Variants in GRM7 observed in about 807,000 individuals in gnomAD.
The protein encoded by GRM7 is metabotropic glutamate receptor 7.
A neutral mutation model predicts 84.5 loss-of-function variants in GRM7; 35 were observed. That is an observed-to-expected ratio of 0.41 (90% CI 0.32 to 0.55). GRM7 has a LOEUF of 0.55. Ranked by LOEUF, GRM7 falls within the 20% of genes least tolerant of loss-of-function variation. The probability of loss-of-function intolerance (pLI) is 0.19; values close to 1 mark genes in which losing one functional copy is unlikely to be tolerated. For missense variants in GRM7, 1,003 were observed against 1,194.6 expected (o/e 0.84, Z 2.36); for synonymous variants, 487 against 455.1 (o/e 1.07, Z -0.89).
intron 9 of GRM7, among the ~76,000 whole-genome samples, chr3:7,720,809 T>A (rs1345608487): frequency 6.6e-6 from 1 of 152,122 alleles, no homozygotes. Flanking sequence ...GTTTGTTGAA[T>A]GAGAATTACC....
chr3:7,012,837 C>T (rs2124897587), intron 1 of GRM7, among the ~76,000 whole-genome samples: 1 of 152,288 alleles, frequency 6.6e-6, no homozygotes, highest in Non-Finnish European at 1.5e-5. Context: ...ACCATTTGGA[C>T]TCAAGTGGTC....
chr3:7,099,555 A>C (rs1250619627), intron 1 of GRM7, among the ~76,000 whole-genome samples: 1 of 147,246 alleles, frequency 6.8e-6, no homozygotes, highest in Admixed American at 6.9e-5. Context: ...ATATATGTAT[A>C]TGTACACGCA....
intron 7 of GRM7, among the ~76,000 whole-genome samples, chr3:7,567,346 G>A (rs1575501704): frequency 6.6e-6 from 1 of 152,254 alleles, no homozygotes; most frequent in East Asian, 1.9e-4. Flanking sequence ...CAAACTTGGG[G>A]CTTTCCACCC....
At chr3:7,368,471 G>T (rs1172340786) in intron 4 of GRM7, among the ~76,000 whole-genome samples, 1 of 152,044 alleles carries the variant, frequency 6.6e-6, no homozygotes, top group African/African-American at 2.4e-5. Context: ...GATGGTAATG[G>T]ATAATTTACT....
intron 2 of GRM7, among the ~76,000 whole-genome samples, chr3:7,266,782 C>T (rs1023856465): frequency 6.6e-6 from 1 of 152,192 alleles, no homozygotes; most frequent in African/African-American, 2.4e-5. Context: ...CCTAAACTTA[C>T]AAAATCACAT....
chr3:7,670,106 C>T (rs928616278), intron 8 of GRM7, among the ~76,000 whole-genome samples: 1 of 152,182 alleles, frequency 6.6e-6, no homozygotes, highest in African/African-American at 2.4e-5. Context: ...AGATGTGCTT[C>T]AGTGTGCCAG....
At chr3:7,726,641 A>C (rs867053649) in intron 9 of GRM7, among the ~76,000 whole-genome samples, 3,894 of 110,358 alleles carry the variant, frequency 0.035, 340 homozygotes, top group African/African-American at 0.066. Flanking sequence ...ATATATATAT[A>C]TATATATATA....
Position 7,151,475 on chromosome 3 carries a change from G to A in GRM7, c.736+4807G>A, listed in dbSNP as rs182231310. Among the ~76,000 whole-genome samples, 14 of 152,180 alleles carry A rather than the reference G, an allele frequency of 9.2e-5. No homozygotes were observed. In the East Asian group the frequency reaches 2.7e-3, roughly 29 times the overall value. On this transcript the variant is annotated intron_variant, in intron 2 of 9. Coordinates refer to ENST00000357716, the MANE Select transcript of GRM7 (RefSeq NM_000844.4). The surrounding 1 kb of genome is among the most constrained non-coding windows in gnomAD (Gnocchi z 4.5). ...AGAGCTAGATGGATTTTCCTACTATGGGATTTCAGAGCACTGTGTGCCTCT... is the reference window on the plus strand; with the variant it reads ...AGAGCTAGATGGATTTTCCTACTATAGGATTTCAGAGCACTGTGTGCCTCT...
chr3:7,029,324 AAAAC>A (rs375456187), intron 1 of GRM7, among the ~76,000 whole-genome samples: 18 of 151,592 alleles, frequency 1.2e-4, no homozygotes, highest in Middle Eastern at 3.4e-3. Context: ...ACAAAAAAAA[AAAAC>A]AAACAAAAAA....
intron 2 of GRM7, among the ~76,000 whole-genome samples, chr3:7,193,508 T>C (rs1362610798): frequency 1.3e-5 from 2 of 152,150 alleles, no homozygotes; most frequent in Non-Finnish European, 2.9e-5. Flanking sequence ...TGTGAGAATC[T>C]GATTTCCATT....
At chr3:7,715,680 C>T (rs1280190607) in intron 9 of GRM7, among the ~76,000 whole-genome samples, 1 of 152,124 alleles carries the variant, frequency 6.6e-6, no homozygotes, top group Non-Finnish European at 1.5e-5. Flanking sequence ...TTTAACCAGC[C>T]TGCCAAAGTC....
intron 1 of GRM7, among the ~76,000 whole-genome samples, chr3:7,110,976 A>T (rs923938638): frequency 1.3e-5 from 2 of 152,084 alleles, no homozygotes; most frequent in African/African-American, 4.8e-5. Flanking sequence ...GGGAAGACAG[A>T]ATGGGTGGAG....
intron 1 of GRM7, among the ~76,000 whole-genome samples, chr3:7,000,717 C>A (rs1187401992): frequency 1.3e-5 from 2 of 152,126 alleles, no homozygotes; most frequent in Non-Finnish European, 2.9e-5. Context: ...CATTTCTTTT[C>A]TTTCTGGGAC....
chr3:7,210,635 A>G (rs1696390528), intron 2 of GRM7, among the ~76,000 whole-genome samples: 1 of 152,216 alleles, frequency 6.6e-6, no homozygotes, highest in South Asian at 2.1e-4. Context: ...CAAGAAATAT[A>G]TAAAACAAAA....
At chr3:7,429,341 A>T (rs964493812) in intron 5 of GRM7, among the ~76,000 whole-genome samples, 10 of 152,220 alleles carry the variant, frequency 6.6e-5, no homozygotes, top group Non-Finnish European at 1.0e-4. Context: ...ACTGATTCAG[A>T]GTACAAACAT....
chr3:6,900,954 A>G (rs550273533), intron 1 of GRM7, among the ~76,000 whole-genome samples: 46 of 152,278 alleles, frequency 3.0e-4, no homozygotes, highest in Non-Finnish European at 5.0e-4. Context: ...TTTTGTTTGC[A>G]TTTTTGTGAT....
chr3:7,102,390 G>C (rs9861442), intron 1 of GRM7, among the ~76,000 whole-genome samples: 70,469 of 151,362 alleles, frequency 0.47, 17,460 homozygotes, highest in African/African-American at 0.65. Flanking sequence ...AGAAGTCAGT[G>C]TATCTGCAAA....
intron 1 of GRM7, among the ~76,000 whole-genome samples, chr3:6,961,373 C>T (rs1302712477): frequency 6.6e-6 from 1 of 152,158 alleles, no homozygotes; most frequent in African/African-American, 2.4e-5. Flanking sequence ...ATACCTTCAA[C>T]TCCTTTGCCT....
intron 7 of GRM7, among the ~76,000 whole-genome samples, chr3:7,522,609 C>G (rs1348761760): frequency 6.6e-6 from 1 of 152,128 alleles, no homozygotes; most frequent in Non-Finnish European, 1.5e-5. Flanking sequence ...ATATCTGTGT[C>G]TACATCGCAA....
Sources: allele counts gnomAD v4.1 joint callset (sites outside exome capture counted in the v4.1 genomes callset), GRCh38; gene constraint gnomAD v4.1.1; non-coding constraint Gnocchi (gnomAD v3.1); transcripts MANE v1.5; gene names NCBI Gene and HGNC (gene_info 2026-07-23, HGNC 2026-07-21).